The following PLCE1 variants were observed in gnomAD, a reference collection of about 807,000 sequenced individuals.
The protein encoded by PLCE1 is phospholipase C epsilon 1, also known as 1-phosphatidylinositol 4,5-bisphosphate phosphodiesterase epsilon-1.
Under a neutral mutation model 242.8 loss-of-function variants are expected in PLCE1, and 119 were observed. The ratio of observed to expected loss-of-function variants is 0.49; its 90% CI spans 0.42 to 0.57. PLCE1 has a LOEUF of 0.57. PLCE1 is among the 20% of genes least tolerant of loss of function. PLCE1 has a pLI of 0.00. For synonymous variants in PLCE1, 945 were observed against 1,017.4 expected (o/e 0.93, Z 1.35); for missense variants, 2,441 against 2,788.8 (o/e 0.88, Z 2.81).
chr10:94,126,943 G>A (rs896769676), intron 2 of PLCE1, among the ~76,000 whole-genome samples: 2 of 152,134 alleles, frequency 1.3e-5, no homozygotes, highest in Non-Finnish European at 2.9e-5. Flanking sequence ...GTGTGACAAT[G>A]GATAGTGCAA....
intron 11 of PLCE1, among the ~76,000 whole-genome samples, chr10:94,255,912 ACACTCTCTCTCTCTCT>A (rs1308388942): frequency 3.4e-5 from 3 of 87,028 alleles, no homozygotes; most frequent in South Asian, 4.2e-4. Flanking sequence ...ACACACACAC[ACACTCTCTCTCTCTCT>A]CTCTCTCTCT....
chr10:94,264,062 C>T (rs2051413536), intron 14 of PLCE1, among the ~76,000 whole-genome samples: 1 of 152,142 alleles, frequency 6.6e-6, no homozygotes. Flanking sequence ...GTCCTCAATG[C>T]AGCTTACATT....
At chr10:94,187,228 A>G (rs967202748) in intron 4 of PLCE1, among the ~76,000 whole-genome samples, 8 of 151,410 alleles carry the variant, frequency 5.3e-5, no homozygotes, top group African/African-American at 1.9e-4. Flanking sequence ...AATACTTGTA[A>G]TAGGAAATAT....
intron 4 of PLCE1, among the ~76,000 whole-genome samples, chr10:94,200,068 G>A (rs143644943): frequency 0.012 from 1,874 of 152,274 alleles, 20 homozygotes; most frequent in Non-Finnish European, 0.018. Context: ...TTCTTAGTGT[G>A]TTACAAAGAT....
At chr10:94,005,021 A>G (rs2061006656) in intron 1 of PLCE1, among the ~76,000 whole-genome samples, 2 of 152,226 alleles carry the variant, frequency 1.3e-5, no homozygotes, top group South Asian at 4.1e-4. Flanking sequence ...GCTTAGTTAA[A>G]ACTCTAACTT....
At position 94,293,653 on chromosome 10, in the gene PLCE1, C is replaced by G; in HGVS notation, c.5167+14C>G. 6.2e-7 allele frequency: 1 copy of G among 1,612,560 alleles called. No individual in the cohort carries two copies. The highest frequency in any genetic ancestry group is 8.5e-7 in the Non-Finnish European group (1 of 1,178,966). On this transcript the variant is annotated intron_variant, in intron 23 of 32. Coordinates refer to ENST00000371380, the MANE Select transcript of PLCE1 (RefSeq NM_016341.4). ...CATCTGGAAAAAGTAAAGTCACTTT[C>G]TTACAATATCTTTGCTTGATTCTGC... is the stretch of plus-strand genomic sequence containing the variant.
chr10:94,269,401 G>A (rs1015172611), intron 17 of PLCE1, among the ~76,000 whole-genome samples: 4 of 151,958 alleles, frequency 2.6e-5, no homozygotes, highest in South Asian at 4.1e-4. Flanking sequence ...ACCGTGCCTG[G>A]CCTTCATTCT....
intron 11 of PLCE1, among the ~76,000 whole-genome samples, chr10:94,255,952 T>TCTCTCTCTCTCC (rs1554896654): frequency 8.4e-6 from 1 of 118,798 alleles, no homozygotes; most frequent in African/African-American, 3.2e-5. Context: ...TCTCTCTCTC[T>TCTCTCTCTCTCC]CTCTCCCCAC....
chr10:94,242,980 T>G (rs979901312), intron 7 of PLCE1, among the ~76,000 whole-genome samples: 3 of 152,228 alleles, frequency 2.0e-5, no homozygotes, highest in African/African-American at 7.2e-5. Flanking sequence ...CTTAGGCAGA[T>G]TCTTCACCCT....
intron 3 of PLCE1, among the ~76,000 whole-genome samples, chr10:94,140,299 G>T (rs1377684337): frequency 6.6e-6 from 1 of 151,778 alleles, no homozygotes; most frequent in Non-Finnish European, 1.5e-5. Context: ...TTGAGAGGTC[G>T]AGGCGAGCAC....
chr10:94,004,047 C>T (rs1243945513), intron 1 of PLCE1, among the ~76,000 whole-genome samples: 4 of 151,504 alleles, frequency 2.6e-5, no homozygotes, highest in Non-Finnish European at 5.9e-5. Context: ...CTTGGGAGGC[C>T]GAGGCAAGGA....
At chr10:94,309,660 G>A (rs931770236) in intron 27 of PLCE1, among the ~76,000 whole-genome samples, 7 of 152,138 alleles carry the variant, frequency 4.6e-5, no homozygotes, top group African/African-American at 1.7e-4. Flanking sequence ...TTTAACAAGT[G>A]CCTCATGGAA....
intron 4 of PLCE1, among the ~76,000 whole-genome samples, chr10:94,187,938 A>G (rs1235621215): frequency 1.3e-5 from 2 of 151,790 alleles, no homozygotes; most frequent in Non-Finnish European, 2.9e-5. Context: ...CAGCCCCTAC[A>G]ACCCCCTCTT....
At chr10:94,162,743 A>T (rs1190870298) in intron 3 of PLCE1, among the ~76,000 whole-genome samples, 1 of 151,790 alleles carries the variant, frequency 6.6e-6, no homozygotes, top group Non-Finnish European at 1.5e-5. Flanking sequence ...TTTAATTGTG[A>T]TGTTAGTGTG....
At chr10:94,160,561 C>T (rs1049844146) in intron 3 of PLCE1, among the ~76,000 whole-genome samples, 4 of 152,118 alleles carry the variant, frequency 2.6e-5, no homozygotes, top group African/African-American at 9.7e-5. Context: ...TTCTCCCATT[C>T]TGCAGGTTGC....
At chr10:94,015,450 T>C (rs2061259481) in intron 1 of PLCE1, among the ~76,000 whole-genome samples, 1 of 152,196 alleles carries the variant, frequency 6.6e-6, no homozygotes, top group African/African-American at 2.4e-5. Flanking sequence ...AAGTGACTAG[T>C]AGTATGCATT....
chr10:94,264,582 C>A (rs553997017), intron 14 of PLCE1, among the ~76,000 whole-genome samples: 1 of 125,876 alleles, frequency 7.9e-6, no homozygotes, highest in Admixed American at 1.0e-4. Flanking sequence ...AGGGCAGTGG[C>A]GCGATCTTTG....
chr10:94,131,564 T>C (rs1235049133), intron 2 of PLCE1, among the ~76,000 whole-genome samples: 3 of 152,148 alleles, frequency 2.0e-5, no homozygotes, highest in African/African-American at 4.8e-5. Context: ...GTGACATAGA[T>C]GGGGCAAGAA....
At chr10:94,161,088 G>A (rs2047597534) in intron 3 of PLCE1, among the ~76,000 whole-genome samples, 2 of 152,104 alleles carry the variant, frequency 1.3e-5, no homozygotes, top group Admixed American at 1.3e-4. Flanking sequence ...TTGGCAATGT[G>A]GGCTCTTTTT....
Sources: gnomAD v4.1 joint callset for allele counts (sites outside exome capture counted in the v4.1 genomes callset) on GRCh38, gnomAD v4.1.1 for gene constraint, MANE v1.5 for transcripts, NCBI Gene and HGNC (gene_info 2026-07-23, HGNC 2026-07-21) for gene names.